Variants in RPA2 observed in about 807,000 individuals in gnomAD.
The protein encoded by RPA2 is replication protein A2.
RPA2 carries 22 observed loss-of-function variants against 33.4 expected under a neutral mutation model. That is an observed-to-expected ratio of 0.66 (90% CI 0.47 to 0.94). The LOEUF is 0.94. Among genes scored for constraint, RPA2 ranks in the 40% least tolerant of loss-of-function variants. The pLI is 0.00. For synonymous variants in RPA2, 109 were observed against 114.9 expected, an observed-to-expected ratio of 0.95 and a Z score of 0.33; for missense variants, 279 against 329.9, an observed-to-expected ratio of 0.85 and a Z score of 1.19.
chr1:27,901,612 C>T (rs1329740724), intron 4 of RPA2, among the ~76,000 whole-genome samples: 4 of 151,894 alleles, frequency 2.6e-5, no homozygotes, highest in Non-Finnish European at 5.9e-5. Context: ...CCTCCCGCCT[C>T]GGCCTCCCAA....
chr1:27,899,591 A>T (rs1011547897), intron 4 of RPA2, among the ~76,000 whole-genome samples: 4 of 151,908 alleles, frequency 2.6e-5, no homozygotes, highest in African/African-American at 9.7e-5. Context: ...TTGAGAAAAG[A>T]TCTCTACCTC....
chr1:27,914,093 C>T lies in RPA2; in HGVS notation c.87G>A (p.Ser29=). Residue 29 remains serine (S), a synonymous_variant, in exon 2 of 9, where the codon TCG becomes TCA. Coordinates refer to ENST00000373912, the MANE Select transcript of RPA2 (RefSeq NM_002946.5). ...TCTTTTCGGCTTGAGAAGGTGCGGG[C>T]GATCCAAAGCCCCCCGGGGACTGCG... ...GYTQSPGGFG[S]PAPSQAEKKS... The T allele has an allele frequency of 6.3e-7, 1 of 1,599,784 alleles. No homozygotes were observed. Among genetic ancestry groups the T allele is most frequent in the Non-Finnish European group, 8.5e-7 (1 of 1,174,532 alleles).
rs113035918 is a variant in RPA2, at chr1:27,900,055, C to T, written c.334-2348G>A. 3.6e-3 allele frequency among the ~76,000 whole-genome samples: 548 copies of T among 152,254 alleles called. 5 individuals are homozygous for T. Among genetic ancestry groups the T allele is most frequent in the African/African-American group, 0.013 (528 of 41,544 alleles). On this transcript the variant is annotated intron_variant, in intron 4 of 8. Transcript: ENST00000373912. ...AACTCCTGACTTCAGGTGATCCACC[C>T]GCCTCCGCCTCCCAAAGTGTTGGGA...
chr1:27,912,466 C>T (rs1470441848), intron 2 of RPA2, among the ~76,000 whole-genome samples: 2 of 151,964 alleles, frequency 1.3e-5, no homozygotes, highest in Non-Finnish European at 2.9e-5. Flanking sequence ...TGGGAATGAT[C>T]ACTTGAGGCA....
intron 6 of RPA2, among the ~76,000 whole-genome samples, chr1:27,895,377 A>G (rs1443108049): frequency 1.3e-5 from 2 of 148,208 alleles, no homozygotes; most frequent in East Asian, 2.0e-4. Context: ...AGCCGAGATC[A>G]CGCCATTGCA....
In RPA2 at chr1:27,900,458, A is replaced by ATT. The variant is rs59692684; in HGVS notation, c.334-2753_334-2752dup. On this transcript the variant is annotated intron_variant, in intron 4 of 8. Coordinates refer to ENST00000373912, the MANE Select transcript of RPA2 (RefSeq NM_002946.5). ...AGTATATATTGGGTGGCTGCTTAAG[A>ATT]TTTTTTTTTTTTTTTTGAGATAAGG... Among the ~76,000 whole-genome samples the ATT allele has an allele frequency of 6.0e-4, 84 of 140,526 alleles. 1 individual carries two copies. Among genetic ancestry groups the ATT allele is most frequent in the African/African-American group, 1.9e-3 (72 of 38,680 alleles). The allele number at this position is 140,526 out of a possible 152,430, so 92.2% of individuals were successfully genotyped here.
chr1:27,914,628 G>A (rs2148664599), upstream of RPA2: 1 of 1,613,926 alleles, frequency 6.2e-7, no homozygotes, highest in Non-Finnish European at 8.5e-7. Flanking sequence ...GGTGCTCACG[G>A]ATGCTACGCT....
chr1:27,913,173 G>C (rs1404311048), intron 2 of RPA2, among the ~76,000 whole-genome samples: 1 of 151,442 alleles, frequency 6.6e-6, no homozygotes, highest in Non-Finnish European at 1.5e-5. Context: ...GGCTGGTCAG[G>C]AACTCCTGAT....
chr1:27,910,096 A>G (rs28988901), intron 2 of RPA2, among the ~76,000 whole-genome samples: 2,086 of 152,270 alleles, frequency 0.014, 58 homozygotes, highest in African/African-American at 0.047. Context: ...TTTTCATTGT[A>G]TCTTCAGCAT....
chr1:27,907,338 C>T, intron 2 of RPA2, 56 bp from the exon 3 acceptor site: 1 of 1,298,396 alleles, frequency 7.7e-7, no homozygotes, highest in Non-Finnish European at 1.1e-6. Flanking sequence ...ACCACTCATT[C>T]AACACCTGCC....
At chr1:27,896,907 C>T in intron 6 of RPA2, 98 bp downstream of exon 6, 1 of 784,440 alleles carries the variant, frequency 1.3e-6, no homozygotes, top group Non-Finnish European at 2.1e-6. Flanking sequence ...CTTTCTCTGG[C>T]TCGGCCTTCA....
At chr1:27,905,183 C>G (rs1448589831) in intron 4 of RPA2, among the ~76,000 whole-genome samples, 1 of 152,182 alleles carries the variant, frequency 6.6e-6, no homozygotes, top group Non-Finnish European at 1.5e-5. Flanking sequence ...CAATTTATGG[C>G]AAACACTTCT....
At chr1:27,895,588 G>A (rs1340734932) in intron 6 of RPA2, among the ~76,000 whole-genome samples, 21 of 151,622 alleles carry the variant, frequency 1.4e-4, no homozygotes, top group East Asian at 3.9e-4. Context: ...GGTGGCAGCC[G>A]GGTGTGGTGG....
chr1:27,912,021 G>A (rs1557475957), intron 2 of RPA2, among the ~76,000 whole-genome samples: 1 of 152,150 alleles, frequency 6.6e-6, no homozygotes, highest in Non-Finnish European at 1.5e-5. Flanking sequence ...GTGAAGCCGG[G>A]AGGCAGAGGT....
chr1:27,895,292 C>T (rs577635844), intron 6 of RPA2, among the ~76,000 whole-genome samples: 4 of 152,218 alleles, frequency 2.6e-5, no homozygotes, highest in Middle Eastern at 3.4e-3. Context: ...TATGGTGGTG[C>T]GTACCTGTAA....
At position 27,897,633 on chromosome 1, in the gene RPA2, C is replaced by T; in HGVS notation, c.408G>A (p.Gln136=). ...VKVAGHLRSF[Q]NKKSLVAFKI... is the part of the protein sequence containing the mutation. ...AACTGTTATTTTATTCTGACTTTACCTGAAAAGATCTCAGGTGGCCTGCCA... is the reference window on the plus strand; with the variant it reads ...AACTGTTATTTTATTCTGACTTTACTTGAAAAGATCTCAGGTGGCCTGCCA... The change falls in exon 5 of 9, where the codon CAG becomes CAA. Residue 136 remains glutamine, a splice_region_variant and synonymous_variant. Coordinates refer to ENST00000373912, the MANE Select transcript of RPA2 (RefSeq NM_002946.5). 6.3e-7 allele frequency: 1 copy of T among 1,596,706 alleles called. No individual in the cohort carries two copies. Among genetic ancestry groups the T allele is most frequent in the Non-Finnish European group, 8.5e-7 (1 of 1,171,650 alleles).
chr1:27,913,481 G>C (rs1217559776), intron 2 of RPA2, among the ~76,000 whole-genome samples: 1 of 151,288 alleles, frequency 6.6e-6, no homozygotes, highest in East Asian at 2.0e-4. Context: ...CCAGCTACTC[G>C]GGACGCTGAA....
intron 5 of RPA2, among the ~76,000 whole-genome samples, chr1:27,897,408 A>G (rs539771844): frequency 3.9e-4 from 60 of 152,210 alleles, no homozygotes; most frequent in Non-Finnish European, 6.9e-4. Flanking sequence ...AACGCCACAG[A>G]TAGCAATTGT....
At chr1:27,900,181 G>A (rs914750596) in intron 4 of RPA2, among the ~76,000 whole-genome samples, 12 of 150,920 alleles carry the variant, frequency 8.0e-5, no homozygotes, top group African/African-American at 1.5e-4. Flanking sequence ...GTGGGATCTC[G>A]GCTCACTGCA....
Sources: allele counts gnomAD v4.1 joint callset (sites outside exome capture counted in the v4.1 genomes callset), GRCh38; gene constraint gnomAD v4.1.1; transcripts MANE v1.5; gene names NCBI Gene and HGNC (gene_info 2026-07-23, HGNC 2026-07-21).